Variants in KBTBD12 observed in about 807,000 individuals in gnomAD.
KBTBD12 encodes kelch repeat and BTB domain containing 12, also known as kelch repeat and BTB domain-containing protein 12.
A neutral mutation model predicts 58.7 loss-of-function variants in KBTBD12; 53 were observed. That is an observed-to-expected ratio of 0.90 (90% CI 0.72 to 1.14). The LOEUF is 1.14. KBTBD12 is among the 50% of genes most tolerant of loss of function. The pLI, the probability that KBTBD12 is intolerant of heterozygous loss-of-function variation, is 0.00. For missense variants in KBTBD12, 704 were observed against 751.3 expected (o/e 0.94, Z 0.74); for synonymous variants, 236 against 259.8 (o/e 0.91, Z 0.88).
chr3:127,932,656 T>C (rs1159189787), intron 4 of KBTBD12, among the ~76,000 whole-genome samples: 1 of 152,166 alleles, frequency 6.6e-6, no homozygotes, highest in African/African-American at 2.4e-5. Context: ...TTGAGTATAT[T>C]TGGATTGAAA....
At chr3:127,967,152 A>T (rs1940590751) in intron 5 of KBTBD12, among the ~76,000 whole-genome samples, 1 of 152,204 alleles carries the variant, frequency 6.6e-6, no homozygotes, top group Non-Finnish European at 1.5e-5. Context: ...TAAACATAAT[A>T]GAGAGAAAAG....
At chr3:127,949,901 A>G (rs1481797613) in intron 4 of KBTBD12, among the ~76,000 whole-genome samples, 1 of 152,240 alleles carries the variant, frequency 6.6e-6, no homozygotes, top group African/African-American at 2.4e-5. Context: ...CTGGAAATCA[A>G]ATTAGCTAAT....
At chr3:127,942,702 CTATA>C (rs58969843) in intron 4 of KBTBD12, among the ~76,000 whole-genome samples, 1 of 142,478 alleles carries the variant, frequency 7.0e-6, no homozygotes. Flanking sequence ...ATATATATAA[CTATA>C]TATATATATA....
rs748930614 is a variant in KBTBD12, at chr3:127,923,800, G to A, written c.739G>A (p.Val247Ile). The A allele has an allele frequency of 1.9e-6, 3 of 1,613,910 alleles. No individual in the cohort carries two copies. Among genetic ancestry groups the A allele is most frequent in the Non-Finnish European group, 2.5e-6 (3 of 1,179,846 alleles). Residue 247 changes from valine (V) to isoleucine (I), a missense_variant, in exon 2 of 6, where the codon GTT becomes ATT. Val to Ile is a conservative substitution (Grantham distance 29). Transcript: ENST00000405109. ...AATGCTTCTGTGTGATGCAGATTGT[G>A]TTGACATAATTCAAAATGCATTCAA... is the stretch of plus-strand genomic sequence containing the variant. The part of the protein sequence containing the change: ...NTMLLCDADC[V>I]DIIQNAFKAI...
chr3:127,950,291 A>G (rs1940175936), intron 4 of KBTBD12, among the ~76,000 whole-genome samples: 1 of 152,208 alleles, frequency 6.6e-6, no homozygotes, highest in Admixed American at 6.6e-5. Flanking sequence ...AAGTGGGAAG[A>G]AGGAGATAGA....
At chr3:127,966,783 G>T (rs1423913376) in intron 5 of KBTBD12, among the ~76,000 whole-genome samples, 1 of 152,142 alleles carries the variant, frequency 6.6e-6, no homozygotes, top group African/African-American at 2.4e-5. Context: ...AGGATGAAAA[G>T]GGACCCAAAC....
chr3:127,957,058 C>T (rs1176342312), intron 4 of KBTBD12, among the ~76,000 whole-genome samples: 3 of 152,052 alleles, frequency 2.0e-5, no homozygotes, highest in East Asian at 3.9e-4. Flanking sequence ...AGGAAAATAT[C>T]GATTACCAAA....
intron 5 of KBTBD12, among the ~76,000 whole-genome samples, chr3:127,965,489 A>G (rs1940545674): frequency 6.6e-6 from 1 of 152,242 alleles, no homozygotes; most frequent in Non-Finnish European, 1.5e-5. Context: ...ATCTCATCAG[A>G]CCTAAAACAG....
intron 5 of KBTBD12, among the ~76,000 whole-genome samples, chr3:127,968,922 A>G (rs79869782): frequency 0.018 from 2,806 of 152,346 alleles, 29 homozygotes; most frequent in Middle Eastern, 0.038. Flanking sequence ...CAAACTGGAA[A>G]TAGAAAGTAA....
At chr3:127,962,658 G>A (rs1940467976) in intron 4 of KBTBD12, among the ~76,000 whole-genome samples, 1 of 152,160 alleles carries the variant, frequency 6.6e-6, no homozygotes, top group Non-Finnish European at 1.5e-5. Context: ...AGATGCACTG[G>A]GCATTTGGGT....
chr3:127,978,887 G>T (rs1940829876), intron 5 of KBTBD12, among the ~76,000 whole-genome samples: 1 of 152,230 alleles, frequency 6.6e-6, no homozygotes, highest in Admixed American at 6.5e-5. Context: ...TAAGGATGTT[G>T]CTGGAATCAG....
At chr3:127,917,485 T>G (rs1363322771) in intron 1 of KBTBD12, among the ~76,000 whole-genome samples, 1 of 152,182 alleles carries the variant, frequency 6.6e-6, no homozygotes, top group Non-Finnish European at 1.5e-5. Flanking sequence ...AAGGCTTCAT[T>G]ACATAGGCAT....
chr3:127,979,591 C>G (rs1334229609), intron 5 of KBTBD12, among the ~76,000 whole-genome samples: 2 of 152,196 alleles, frequency 1.3e-5, no homozygotes, highest in Admixed American at 6.5e-5. Flanking sequence ...AAAATCAGTT[C>G]CTCAGTCTCA....
At chr3:127,925,205 G>A (rs1365224291) in intron 2 of KBTBD12, among the ~76,000 whole-genome samples, 10 of 152,172 alleles carry the variant, frequency 6.6e-5, no homozygotes. Flanking sequence ...CAGAGCCCTG[G>A]CTGGGTGACC....
In KBTBD12 at chr3:127,987,170, G is replaced by A. The variant is rs1940985940; in HGVS notation, c.*2892G>A. The A allele has an allele frequency of 6.6e-6, 1 of 152,244 alleles. No homozygotes were observed. The highest frequency in any genetic ancestry group is 1.5e-5 in the Non-Finnish European group (1 of 68,048). 9.4% of individuals were successfully genotyped at this position (152,244 alleles called of 1,614,324 possible). On this transcript the variant is annotated 3_prime_UTR_variant, in exon 6 of 6. Coordinates refer to ENST00000405109, the MANE Select transcript of KBTBD12 (RefSeq NM_207335.4). Reference sequence around the variant, plus strand: ...CAGGATTTCTCAAACTTCTTCTGAGGAATCCCCGAGGTCGAAACCGGTGCT... The same window carrying A: ...CAGGATTTCTCAAACTTCTTCTGAGAAATCCCCGAGGTCGAAACCGGTGCT...
At position 127,986,182 on chromosome 3, in the gene KBTBD12, C is replaced by A. The variant is rs555378666; in HGVS notation, c.*1904C>A. The stretch of plus-strand genomic sequence containing the variant: ...TTTGGGTTCAAGATCTGGGTTCCAG[C>A]CCCCGCTCTGCTACTTAGCTAACCA... On this transcript the variant is annotated 3_prime_UTR_variant, in exon 6 of 6. Coordinates refer to ENST00000405109, the MANE Select transcript of KBTBD12 (RefSeq NM_207335.4). The A allele has an allele frequency of 3.3e-5, 5 of 152,744 alleles. No homozygotes were observed. The highest frequency in any genetic ancestry group is 1.2e-4 in the African/African-American group (5 of 41,560). 9.5% of individuals were successfully genotyped at this position (152,744 alleles called of 1,614,324 possible).
chr3:127,968,669 G>A (rs1455010180), intron 5 of KBTBD12, among the ~76,000 whole-genome samples: 3 of 152,106 alleles, frequency 2.0e-5, no homozygotes, highest in Non-Finnish European at 2.9e-5. Flanking sequence ...TGGATGCTGT[G>A]CTTAATACCT....
At chr3:127,940,794 G>C (rs58437529) in intron 4 of KBTBD12, among the ~76,000 whole-genome samples, 49,818 of 151,866 alleles carry the variant, frequency 0.33, 8,322 homozygotes, top group Non-Finnish European at 0.36. Context: ...AGCCAATACA[G>C]TTGGTAAACA....
intron 1 of KBTBD12, among the ~76,000 whole-genome samples, chr3:127,919,751 G>A (rs980747499): frequency 6.6e-6 from 1 of 151,866 alleles, no homozygotes; most frequent in African/African-American, 2.4e-5. Context: ...ACATTAAAAA[G>A]AAAATTCATG....
Sources: allele counts gnomAD v4.1 joint callset (sites outside exome capture counted in the v4.1 genomes callset), GRCh38; gene constraint gnomAD v4.1.1; transcripts MANE v1.5; gene names NCBI Gene and HGNC (gene_info 2026-07-23, HGNC 2026-07-21).